The following POLR3B variants were observed in gnomAD, a reference collection of about 807,000 sequenced individuals.
The protein encoded by POLR3B is RNA polymerase III subunit B, also known as DNA-directed RNA polymerase III subunit RPC2.
Under a neutral mutation model 147.4 loss-of-function variants are expected in POLR3B, and 96 were observed. The observed-to-expected ratio is 0.65, with a 90% CI of 0.55 to 0.77. POLR3B has a LOEUF of 0.77. Among genes scored for constraint, POLR3B ranks in the 30% least tolerant of loss-of-function variants. The pLI is 0.00. For missense variants in POLR3B, 1,036 were observed against 1,413.5 expected (o/e 0.73, Z 4.28); for synonymous variants, 461 against 485.9 (o/e 0.95, Z 0.67).
At chr12:106,495,837 C>T (rs1175256416) in intron 23 of POLR3B, 1 of 656,590 alleles carries the variant, frequency 1.5e-6, no homozygotes, top group African/African-American at 1.8e-5. Flanking sequence ...GCCGGCAGCA[C>T]AGTCCACAGG....
chr12:106,494,566 T>A lies in POLR3B; in HGVS notation c.2714-1489T>A, dbSNP rs1403933162. On this transcript the variant is annotated intron_variant, in intron 23 of 27. Transcript: ENST00000228347. ...CAATGTTGTTGTCGGTGCACCTAGA[T>A]TTACAATTTGATCTCTTTCAAAGTA... 7.9e-5 allele frequency among the ~76,000 whole-genome samples: 12 copies of A among 152,212 alleles called. 1 individual carries two copies.
intron 27 of POLR3B, chr12:106,507,900 G>T (rs1484717610): frequency 2.3e-6 from 1 of 440,868 alleles, no homozygotes; most frequent in African/African-American, 2.0e-5. Context: ...TATAAAGTGA[G>T]TCACATTAAT....
At chr12:106,434,710 C>A (rs1200373286) in intron 16 of POLR3B, among the ~76,000 whole-genome samples, 2 of 152,090 alleles carry the variant, frequency 1.3e-5, no homozygotes, top group Admixed American at 6.6e-5. Context: ...AGTGTTGAAG[C>A]ACAAGGCAGT....
chr12:106,457,353 A>G lies in POLR3B; in HGVS notation c.2452+57A>G, dbSNP rs185593801. On this transcript the variant is annotated intron_variant, in intron 21 of 27. Transcript: ENST00000228347. The stretch of plus-strand genomic sequence containing the variant: ...ACTTTTTGACATCATATGTTATTCA[A>G]TAATATTTCTGAATATTTGGCAAAA... The G allele has an allele frequency of 7.0e-4, 999 of 1,424,318 alleles. 9 individuals are homozygous for G. The African/African-American group carries it at 0.013, about 18-fold the overall frequency. The allele number at this position is 1,424,318 out of a possible 1,614,324, so 88.2% of individuals were successfully genotyped here.
chr12:106,448,733 C>T (rs1446532716), intron 19 of POLR3B, among the ~76,000 whole-genome samples: 1 of 151,808 alleles, frequency 6.6e-6, no homozygotes, highest in Non-Finnish European at 1.5e-5. Context: ...AGCCACTGCA[C>T]CCAGCCCATT....
intron 6 of POLR3B, among the ~76,000 whole-genome samples, chr12:106,371,661 T>C (rs7315057): frequency 0.054 from 6,103 of 113,340 alleles, 323 homozygotes; most frequent in East Asian, 0.27. Flanking sequence ...AAAATGGAAA[T>C]CATCATTCTC....
chr12:106,438,929 C>T (rs1002343748), intron 18 of POLR3B, among the ~76,000 whole-genome samples: 3 of 152,152 alleles, frequency 2.0e-5, no homozygotes, highest in Admixed American at 2.0e-4. Context: ...ATCTGTGTTC[C>T]ATTTTAGAGT....
At chr12:106,455,695 T>C (rs1337851382) in intron 20 of POLR3B, among the ~76,000 whole-genome samples, 2 of 152,226 alleles carry the variant, frequency 1.3e-5, no homozygotes, top group Non-Finnish European at 1.5e-5. Flanking sequence ...CTCCAGCATG[T>C]TGCAGTTAAT....
chr12:106,498,139 G>A (rs957343083), intron 25 of POLR3B, among the ~76,000 whole-genome samples: 2 of 152,210 alleles, frequency 1.3e-5, no homozygotes, highest in African/African-American at 4.8e-5. Flanking sequence ...TGAGGAACTG[G>A]CTATGATATT....
At chr12:106,430,025 G>A (rs1186054402) in intron 13 of POLR3B, among the ~76,000 whole-genome samples, 1 of 152,176 alleles carries the variant, frequency 6.6e-6, no homozygotes, top group Non-Finnish European at 1.5e-5. Context: ...GATGTGGTAA[G>A]GTTATGCGTC....
At chr12:106,432,913 C>T (rs1316653502) in intron 15 of POLR3B, among the ~76,000 whole-genome samples, 2 of 152,178 alleles carry the variant, frequency 1.3e-5, no homozygotes, top group African/African-American at 4.8e-5. Flanking sequence ...TCCTTTGGCT[C>T]ACACTCCAGT....
intron 19 of POLR3B, 21 bp downstream of exon 19, chr12:106,444,611 G>A (rs1314224061): frequency 8.1e-6 from 13 of 1,612,664 alleles, no homozygotes; most frequent in Non-Finnish European, 1.0e-5. Flanking sequence ...CTTCTTGAAA[G>A]TTGGTTCTAA....
At position 106,357,889 on chromosome 12, in the gene POLR3B, C is replaced by A. The variant is rs1368126168; in HGVS notation, c.10C>A (p.Leu4Ile). MDV[L>I]AEEFGNLTPE... ...CTCCTTCGTGAGCAGCATGGACGTG[C>A]TAGCGGAGGAGTTTGGGAACCTGAC... Residue 4 changes from leucine (L) to isoleucine (I), a missense_variant, in exon 1 of 28, where the codon CTA becomes ATA. Transcript: ENST00000228347. The A allele has an allele frequency of 6.2e-7, 1 of 1,613,532 alleles. No homozygotes were observed. Among genetic ancestry groups the A allele is most frequent in the African/African-American group, 1.3e-5 (1 of 74,928 alleles).
chr12:106,470,568 G>T (rs543982929), intron 23 of POLR3B, among the ~76,000 whole-genome samples: 1 of 152,082 alleles, frequency 6.6e-6, no homozygotes, highest in Admixed American at 6.6e-5. Context: ...TTCTGCTCTG[G>T]TTTCTCCCCA....
At chr12:106,498,982 T>C (rs191329050) in intron 25 of POLR3B, among the ~76,000 whole-genome samples, 5 of 152,364 alleles carry the variant, frequency 3.3e-5, no homozygotes, top group East Asian at 1.9e-4. Context: ...CCAGATGTGA[T>C]TGAAATTGTT....
intron 20 of POLR3B, 40 bp from the exon 21 acceptor site, chr12:106,457,098 G>A (rs1029266094): frequency 1.3e-6 from 2 of 1,572,564 alleles, no homozygotes; most frequent in East Asian, 2.2e-5. Flanking sequence ...ATAGCTTTGG[G>A]TTACTGGTGG....
chr12:106,404,234 G>C (rs752489444), intron 10 of POLR3B, among the ~76,000 whole-genome samples: 2 of 151,988 alleles, frequency 1.3e-5, no homozygotes, highest in African/African-American at 2.4e-5. Flanking sequence ...GGGACTACAG[G>C]TGTGCACCAC....
intron 23 of POLR3B, among the ~76,000 whole-genome samples, chr12:106,477,171 A>C (rs1444001040): frequency 7.6e-6 from 1 of 131,818 alleles, no homozygotes; most frequent in African/African-American, 3.3e-5. Flanking sequence ...CCTCCCAGTT[A>C]GGCTGCTCGG....
chr12:106,445,900 A>G (rs1337547768), intron 19 of POLR3B, among the ~76,000 whole-genome samples: 1 of 152,186 alleles, frequency 6.6e-6, no homozygotes. Context: ...TAGAGAGTAG[A>G]TATATTTCTT....
Sources: allele counts gnomAD v4.1 joint callset (sites outside exome capture counted in the v4.1 genomes callset), GRCh38; gene constraint gnomAD v4.1.1; transcripts MANE v1.5; gene names NCBI Gene and HGNC (gene_info 2026-07-23, HGNC 2026-07-21).